RPS24: variants seen among roughly 807,000 people sequenced by gnomAD.
The protein encoded by RPS24 is ribosomal protein S24.
For missense variants in RPS24, 100 were observed against 162.5 expected (o/e 0.62, Z 2.09); for synonymous variants, 72 against 55.6 (o/e 1.30, Z -1.31).
intron 4 of RPS24, among the ~76,000 whole-genome samples, chr10:78,051,691 A>T (rs1291983830): frequency 6.6e-6 from 1 of 152,210 alleles, no homozygotes; most frequent in Non-Finnish European, 1.5e-5. Context: ...CAATGTACGA[A>T]GGTTCTAATT....
chr10:78,047,940 C>T (rs1016769700), intron 4 of RPS24, among the ~76,000 whole-genome samples: 1 of 152,246 alleles, frequency 6.6e-6, no homozygotes. Flanking sequence ...TGCCCCACCA[C>T]ACTTTAAGAT....
downstream of RPS24, chr10:78,040,879 G>A (rs765971628): frequency 1.1e-4 from 63 of 584,628 alleles, no homozygotes; most frequent in Non-Finnish European, 1.7e-4. Context: ...TGGGAGTCAA[G>A]CTTGTAAATG....
In RPS24 at chr10:78,037,243, G is replaced by A. The variant is rs768240133; in HGVS notation, c.329G>A (p.Arg110His). 4.4e-6 allele frequency: 7 copies of A among 1,608,288 alleles called. No homozygotes were observed. The highest frequency in any genetic ancestry group is 1.7e-5 in the Admixed American group (1 of 59,296). ...KKTSRKQRKE[R>H]KNRMKKVRGT... ...ACCTCAAGAAAGCAACGAAAGGAAC[G>A]CAAGAACAGAATGAAGAAAGTCAGG... Residue 110 changes from arginine (R) to histidine (H), a missense_variant, in exon 4 of 6, where the codon CGC becomes CAC. Arg to His is a conservative substitution (Grantham distance 29). Transcript: ENST00000372360.
At chr10:78,035,327 T>C in intron 1 of RPS24, 25 bp from the exon 2 acceptor site, 4 of 1,611,962 alleles carry the variant, frequency 2.5e-6, no homozygotes, top group East Asian at 2.2e-5. Context: ...AGTAGTTTTA[T>C]TAACCAGAGT....
downstream of RPS24, among the ~76,000 whole-genome samples, chr10:78,044,471 G>A (rs781440920): frequency 6.6e-6 from 1 of 152,096 alleles, no homozygotes; most frequent in Non-Finnish European, 1.5e-5. Context: ...TCTGGTGGGA[G>A]ATACTCCATT....
chr10:78,040,138 A>G (rs1847961145), intron 4 of RPS24, 66 bp from the exon 5 acceptor site: 1 of 1,482,386 alleles, frequency 6.7e-7, no homozygotes, highest in Non-Finnish European at 9.4e-7. Flanking sequence ...GAGTTTGAAA[A>G]GGGACTATTA....
intron 4 of RPS24, among the ~76,000 whole-genome samples, chr10:78,054,033 G>A (rs866947612): frequency 2.6e-5 from 4 of 152,118 alleles, no homozygotes; most frequent in African/African-American, 9.7e-5. Flanking sequence ...TAGTCACGTG[G>A]TGTGGGTGAA....
At chr10:78,040,498 C>G in intron 5 of RPS24, 117 bp from the exon 6 acceptor site, 1 of 821,590 alleles carries the variant, frequency 1.2e-6, no homozygotes, top group South Asian at 1.4e-5. Context: ...ATCAAAATAA[C>G]TTGATATTCT....
downstream of RPS24, chr10:78,040,787 C>G (rs1847976416): frequency 3.4e-6 from 3 of 893,462 alleles, no homozygotes; most frequent in East Asian, 2.6e-5. Flanking sequence ...AGTTCACATG[C>G]TCCATGAAGC....
exon 5 of RPS24, chr10:78,056,072 T>G (rs1004641715): frequency 6.6e-6 from 1 of 152,542 alleles, no homozygotes; most frequent in South Asian, 2.1e-4. Context: ...TATTAAAGCT[T>G]CTTCTCTCTT....
chr10:78,043,166 G>C (rs544910415), downstream of RPS24, among the ~76,000 whole-genome samples: 334 of 152,134 alleles, frequency 2.2e-3, 2 homozygotes, highest in African/African-American at 7.9e-3. Context: ...ACCATGCCCG[G>C]GTAATTTTTT....
At chr10:78,047,081 G>C (rs1476839487) in intron 4 of RPS24, among the ~76,000 whole-genome samples, 3 of 150,816 alleles carry the variant, frequency 2.0e-5, no homozygotes, top group Admixed American at 2.0e-4. Context: ...TCAGCTTCCT[G>C]AGTAGCTGGG....
intron 4 of RPS24, 171 bp from the exon 5 acceptor site, chr10:78,040,031 AGT>A (rs1293282620): frequency 2.8e-6 from 2 of 702,472 alleles, no homozygotes; most frequent in Non-Finnish European, 5.3e-6. Context: ...GAATAAAATC[AGT>A]GAGTCTGGAA....
chr10:78,037,654 T>G, intron 4 of RPS24: 1 of 326,706 alleles, frequency 3.1e-6, no homozygotes, highest in South Asian at 2.7e-5. Flanking sequence ...CCCTGTGATT[T>G]TACTTATTAA....
At chr10:78,039,815 A>G (rs1348227600) in intron 4 of RPS24, 1 of 270,644 alleles carries the variant, frequency 3.7e-6, no homozygotes, top group Non-Finnish European at 7.2e-6. Context: ...ATCTGTAATG[A>G]TTCTCGTAAC....
At chr10:78,051,295 T>C (rs931898529) in intron 4 of RPS24, among the ~76,000 whole-genome samples, 1 of 152,258 alleles carries the variant, frequency 6.6e-6, no homozygotes, top group African/African-American at 2.4e-5. Flanking sequence ...TTTCTGTTTT[T>C]ATAAATTTGT....
intron 4 of RPS24, among the ~76,000 whole-genome samples, chr10:78,046,647 A>G (rs972549166): frequency 1.3e-5 from 2 of 152,014 alleles, no homozygotes; most frequent in Non-Finnish European, 2.9e-5. Context: ...GATCCACTGC[A>G]CCTGGCCTCA....
Position 78,034,216 on chromosome 10 carries a change from C to T in RPS24, c.3+312C>T, listed in dbSNP as rs1019216131. 3.6e-5 allele frequency: 19 copies of T among 532,832 alleles called. No individual in the cohort carries two copies. In the African/African-American group the frequency reaches 3.6e-4, roughly 10 times the overall value. The allele number at this position is 532,832 out of a possible 1,614,324, so 33.0% of individuals were successfully genotyped here. On this transcript the variant is annotated intron_variant, in intron 1 of 5. Transcript: ENST00000372360. ...GGCGGGATAGATGGACACTGGGAGG[C>T]ACATCTCGTCTGCAGTTCCTCATTG...
At position 78,037,175 on chromosome 10, in the gene RPS24, G is replaced by T; in HGVS notation, c.280-19G>T. On this transcript the variant is annotated intron_variant, in intron 3 of 5. Coordinates refer to ENST00000372360, the MANE Select transcript of RPS24 (RefSeq NM_033022.4). Reference sequence around the variant, plus strand: ...TTTAATGTTTACAAGTCACCTGGATGTACTCTTTTCTCATTCAGCATGGCC... The same window carrying T: ...TTTAATGTTTACAAGTCACCTGGATTTACTCTTTTCTCATTCAGCATGGCC... 1 of 1,589,118 alleles carries T rather than the reference G, an allele frequency of 6.3e-7. No homozygotes were observed. The highest frequency in any genetic ancestry group is 2.3e-5 in the East Asian group (1 of 44,114).
Sources: gnomAD v4.1 joint callset for allele counts (sites outside exome capture counted in the v4.1 genomes callset) on GRCh38, gnomAD v4.1.1 for gene constraint, MANE v1.5 for transcripts, NCBI Gene and HGNC (gene_info 2026-07-23, HGNC 2026-07-21) for gene names.